Variants in PACSIN2 observed in about 807,000 individuals in gnomAD.
The protein encoded by PACSIN2 is protein kinase C and casein kinase substrate in neurons protein 2.
A neutral mutation model predicts 63.8 loss-of-function variants in PACSIN2; 25 were observed. The observed-to-expected ratio is 0.39, with a 90% CI of 0.29 to 0.55. PACSIN2 has a LOEUF of 0.55. Ranked by LOEUF, PACSIN2 falls within the 20% of genes least tolerant of loss-of-function variation. The pLI is 0.62. For synonymous variants in PACSIN2, 255 were observed against 256.2 expected (o/e 1.00, Z 0.05); for missense variants, 518 against 646.9 (o/e 0.80, Z 2.16).
chr22:42,888,821 A>C (rs759788319), intron 4 of PACSIN2, 23 bp from the exon 5 acceptor site: 1 of 1,613,138 alleles, frequency 6.2e-7, no homozygotes, highest in Non-Finnish European at 8.5e-7. Flanking sequence ...TGAGTTCCTG[A>C]ATGCCATGTC....
At chr22:42,919,790 A>G (rs11090123) in intron 1 of PACSIN2, among the ~76,000 whole-genome samples, 5 of 114,534 alleles carry the variant, frequency 4.4e-5, no homozygotes, top group Non-Finnish European at 4.9e-5. Flanking sequence ...AAAAAAAAAA[A>G]AAAAAAAGAA....
chr22:43,007,465 C>T (rs1924167701), intron 1 of PACSIN2, among the ~76,000 whole-genome samples: 2 of 152,154 alleles, frequency 1.3e-5, no homozygotes, highest in Non-Finnish European at 2.9e-5. Context: ...ATCCGCCCAC[C>T]TCAGCTTCCC....
chr22:42,920,793 CTTTTTTTTTTTTTT>C (rs745822264), intron 1 of PACSIN2, among the ~76,000 whole-genome samples: 4 of 77,656 alleles, frequency 5.2e-5, no homozygotes, highest in Non-Finnish European at 9.0e-5. Context: ...AATTATCACA[CTTTTTTTTTTTTTT>C]TTTTTTTTTT....
At chr22:42,946,749 G>A (rs1277369302) in intron 1 of PACSIN2, 1 of 152,316 alleles carries the variant, frequency 6.6e-6, no homozygotes, top group Non-Finnish European at 1.5e-5. Context: ...CAGAGCACAT[G>A]AGGACGCGTC....
intron 1 of PACSIN2, among the ~76,000 whole-genome samples, chr22:42,966,537 C>G (rs1289449969): frequency 6.6e-6 from 1 of 152,216 alleles, no homozygotes; most frequent in Non-Finnish European, 1.5e-5. Context: ...TTTACATAAG[C>G]TTCTTTGCTT....
chr22:42,927,925 T>A (rs187255602), intron 1 of PACSIN2, among the ~76,000 whole-genome samples: 1 of 152,218 alleles, frequency 6.6e-6, no homozygotes, highest in African/African-American at 2.4e-5. Context: ...CATGTCATGG[T>A]CCCATACTCC....
At chr22:42,936,205 G>A (rs1487860815) in intron 1 of PACSIN2, among the ~76,000 whole-genome samples, 1 of 130,878 alleles carries the variant, frequency 7.6e-6, no homozygotes, top group African/African-American at 3.0e-5. Flanking sequence ...GGCAGAGCGA[G>A]ACTCCGTCTC....
chr22:43,006,328 G>A (rs1169159772), intron 1 of PACSIN2, among the ~76,000 whole-genome samples: 1 of 152,134 alleles, frequency 6.6e-6, no homozygotes, highest in Non-Finnish European at 1.5e-5. Flanking sequence ...TCAAGTTTTG[G>A]AGACATTGAA....
chr22:42,931,029 T>C (rs1375021538), intron 1 of PACSIN2, among the ~76,000 whole-genome samples: 2 of 152,238 alleles, frequency 1.3e-5, no homozygotes, highest in Non-Finnish European at 2.9e-5. Context: ...GAGTAGAATG[T>C]TGACAGGAAT....
intron 3 of PACSIN2, among the ~76,000 whole-genome samples, chr22:42,892,819 A>G (rs1048077405): frequency 6.6e-6 from 1 of 152,148 alleles, no homozygotes; most frequent in Non-Finnish European, 1.5e-5. Context: ...GCCCCAAAAC[A>G]CACCTTGAGA....
At position 42,992,884 on chromosome 22, in the gene PACSIN2, C is replaced by T. The variant is rs182426699; in HGVS notation, c.-78+22137G>A. On this transcript the variant is annotated intron_variant, in intron 1 of 10. Transcript: ENST00000263246. Reference sequence around the variant, plus strand: ...ATACTGTAAAAAGAATATATACTGGCCGGAAGTGGTGGCTCACACCTGTAA... The same window carrying T: ...ATACTGTAAAAAGAATATATACTGGTCGGAAGTGGTGGCTCACACCTGTAA... Among the ~76,000 whole-genome samples the T allele has an allele frequency of 5.4e-3, 821 of 152,268 alleles. 5 individuals are homozygous for T. The highest frequency in any genetic ancestry group is 0.031 in the Middle Eastern group (9 of 294).
At chr22:42,994,435 G>A (rs775578425) in intron 1 of PACSIN2, among the ~76,000 whole-genome samples, 13 of 152,098 alleles carry the variant, frequency 8.5e-5, no homozygotes, top group East Asian at 1.9e-4. Context: ...ACCCTCGGGC[G>A]TGCTTATGGG....
chr22:42,887,468 A>T (rs1377170659), intron 5 of PACSIN2, among the ~76,000 whole-genome samples: 2 of 152,106 alleles, frequency 1.3e-5, no homozygotes, highest in Non-Finnish European at 2.9e-5. Flanking sequence ...GGGTAGTGAA[A>T]CCAGCTTAGG....
intron 1 of PACSIN2, among the ~76,000 whole-genome samples, chr22:42,926,828 G>C (rs9611967): frequency 0.032 from 4,829 of 151,706 alleles, 103 homozygotes; most frequent in African/African-American, 0.051. Context: ...CGGCAACATA[G>C]AGAGACCCTA....
chr22:42,974,672 C>G (rs1333283532), intron 1 of PACSIN2, among the ~76,000 whole-genome samples: 8 of 150,492 alleles, frequency 5.3e-5, no homozygotes, highest in Admixed American at 5.3e-4. Context: ...CTGCTTAAAC[C>G]TGGGAGGTGG....
chr22:42,935,267 C>G (rs564106875), intron 1 of PACSIN2, among the ~76,000 whole-genome samples: 1 of 152,226 alleles, frequency 6.6e-6, no homozygotes, highest in South Asian at 2.1e-4. Context: ...CCAGCAGTGT[C>G]TGCGCCATAT....
chr22:42,894,247 ATTG>A (rs1002606956), intron 2 of PACSIN2, among the ~76,000 whole-genome samples: 1 of 120,804 alleles, frequency 8.3e-6, no homozygotes, highest in African/African-American at 3.2e-5. Flanking sequence ...GCTGAAGGCA[ATTG>A]TTTTTTTTTT....
intron 10 of PACSIN2, among the ~76,000 whole-genome samples, chr22:42,873,494 G>A (rs1380709484): frequency 6.6e-6 from 1 of 152,218 alleles, no homozygotes; most frequent in Non-Finnish European, 1.5e-5. Context: ...AGGGGAGGAG[G>A]CTGAAGACTG....
intron 7 of PACSIN2, among the ~76,000 whole-genome samples, chr22:42,881,725 T>A (rs1929087801): frequency 2.6e-5 from 4 of 152,300 alleles, no homozygotes; most frequent in Middle Eastern, 6.8e-3. Flanking sequence ...ATTTACTGCC[T>A]GGAGTAGGGA....
Sources: gnomAD v4.1 joint callset for allele counts (sites outside exome capture counted in the v4.1 genomes callset) on GRCh38, gnomAD v4.1.1 for gene constraint, MANE v1.5 for transcripts, NCBI Gene and HGNC (gene_info 2026-07-23, HGNC 2026-07-21) for gene names.